Variants in HEXA observed in about 807,000 individuals in gnomAD.
The protein encoded by HEXA is beta-hexosaminidase subunit alpha.
In HEXA, 54 loss-of-function variants were observed where a neutral mutation model predicts 73.3. The observed-to-expected ratio is 0.74, with a 90% CI of 0.59 to 0.92. HEXA has a LOEUF of 0.92. Ranked by LOEUF, HEXA falls within the 40% of genes least tolerant of loss-of-function variation. The probability of loss-of-function intolerance (pLI) is 0.00; values close to 1 mark genes in which losing one functional copy is unlikely to be tolerated. For missense variants in HEXA, 649 were observed against 653.0 expected (o/e 0.99, Z 0.07); for synonymous variants, 230 against 246.9 (o/e 0.93, Z 0.64).
At chr15:72,354,691 C>T (rs1185954532) in intron 3 of HEXA, 1 of 152,374 alleles carries the variant, frequency 6.6e-6, no homozygotes, top group Admixed American at 6.5e-5. Context: ...GCTGTTGCTC[C>T]AAGCATAGAA....
chr15:72,347,584 A>G, intron 10 of HEXA, 102 bp downstream of exon 10: 1 of 962,084 alleles, frequency 1.0e-6, no homozygotes, highest in South Asian at 1.3e-5. Context: ...ATTAAAGCCC[A>G]ATCCAAACCA....
Position 72,346,540 on chromosome 15 carries a change from G to A in HEXA, c.1317C>T (p.Pro439=), listed in dbSNP as rs1003506073. The change falls in exon 11 of 14, where the codon CCC becomes CCT. Residue 439 remains proline (P), a synonymous_variant. Coordinates refer to ENST00000268097, the MANE Select transcript of HEXA (RefSeq NM_000520.6). ...CTCTGCTTTCACCTTCAAATGCCAGGGGTTCCACTATGTAGAAATCCTTCC... is the reference window on the plus strand; with the variant it reads ...CTCTGCTTTCACCTTCAAATGCCAGAGGTTCCACTATGTAGAAATCCTTCC... ...PDWKDFYIVE[P]LAFEGTPEQK... The A allele has an allele frequency of 1.8e-5, 29 of 1,613,834 alleles. No individual in the cohort carries two copies. The highest frequency in any genetic ancestry group is 2.5e-5 in the Non-Finnish European group (29 of 1,179,894).
intron 1 of HEXA, among the ~76,000 whole-genome samples, chr15:72,363,204 T>C (rs540751530): frequency 1.3e-5 from 2 of 152,368 alleles, no homozygotes; most frequent in African/African-American, 4.8e-5. Flanking sequence ...GTGCATTTAA[T>C]GTGCATCAGG....
At chr15:72,345,325 G>A in intron 13 of HEXA, 121 bp downstream of exon 13, 2 of 1,535,412 alleles carry the variant, frequency 1.3e-6, no homozygotes, top group Non-Finnish European at 1.8e-6. Context: ...CGTGGATGAG[G>A]GCTGACTATA....
At chr15:72,354,003 T>C in intron 3 of HEXA, 1 of 560,618 alleles carries the variant, frequency 1.8e-6, no homozygotes, top group East Asian at 3.1e-5. Flanking sequence ...AAAACCCACA[T>C]ACCTCTTATC....
chr15:72,347,868 A>T, intron 9 of HEXA, 110 bp from the exon 10 acceptor site: 1 of 1,113,518 alleles, frequency 9.0e-7, no homozygotes, highest in Non-Finnish European at 1.4e-6. Flanking sequence ...ATTCCTCATT[A>T]AGCAGTGTCT....
rs75605880 is a variant in HEXA, at chr15:72,342,605, C to A, written c.*1472G>T. The stretch of plus-strand genomic sequence containing the variant: ...ACCAGGAGGGGGCAGTCTGGGTCCA[C>A]GACGAGACATTTCCTTCTAGAGAAA... On this transcript the variant is annotated 3_prime_UTR_variant, in exon 14 of 14. Coordinates refer to ENST00000268097, the MANE Select transcript of HEXA (RefSeq NM_000520.6). The A allele has an allele frequency of 6.6e-6, 1 of 152,236 alleles. No homozygotes were observed. Among genetic ancestry groups the A allele is most frequent in the East Asian group, 1.9e-4 (1 of 5,194 alleles). The allele number at this position is 152,236 out of a possible 1,614,324, so 9.4% of individuals were successfully genotyped here. A position where few individuals can be genotyped will look rare whatever the true frequency, so the allele number is the denominator to read the frequency against.
intron 1 of HEXA, chr15:72,357,989 G>C (rs983016356): frequency 6.6e-6 from 1 of 152,046 alleles, no homozygotes. Flanking sequence ...CTCCATACTT[G>C]AACCCTAAAA....
intron 5 of HEXA, among the ~76,000 whole-genome samples, chr15:72,351,945 C>T (rs1432408318): frequency 6.7e-6 from 1 of 149,552 alleles, no homozygotes; most frequent in Non-Finnish European, 1.5e-5. Context: ...AGCCTCCTTC[C>T]TTCCTTCACT....
chr15:72,352,276 C>A lies in HEXA; in HGVS notation c.570+792G>T, dbSNP rs541780783. Among the ~76,000 whole-genome samples the A allele has an allele frequency of 2.0e-5, 3 of 151,648 alleles. No individual in the cohort carries two copies. In the South Asian group the frequency reaches 6.3e-4, roughly 32 times the overall value. On this transcript the variant is annotated intron_variant, in intron 5 of 13. Coordinates refer to ENST00000268097, the MANE Select transcript of HEXA (RefSeq NM_000520.6). ...CCTGGCCCCAAGTTAAGGCTTTGAA[C>A]GTCTCTCTCCTATGACCTTGTTCTA...
At chr15:72,362,265 T>C (rs1327132002) in intron 1 of HEXA, 3 of 205,262 alleles carry the variant, frequency 1.5e-5, no homozygotes, top group African/African-American at 2.4e-5. Context: ...TTTTCTGTTA[T>C]TCCCCCCCTC....
intron 1 of HEXA, among the ~76,000 whole-genome samples, chr15:72,374,024 AAG>A (rs2089025822): frequency 6.6e-6 from 1 of 151,860 alleles, no homozygotes; most frequent in African/African-American, 2.4e-5. Context: ...AAAAAAAAAA[AAG>A]GAAAGGAATT....
chr15:72,375,245 C>T (rs1339272038), intron 1 of HEXA, among the ~76,000 whole-genome samples: 7 of 152,080 alleles, frequency 4.6e-5, no homozygotes. Flanking sequence ...CGCGCCGCCA[C>T]GCCTGGCTAA....
chr15:72,374,342 A>C (rs1041998484), intron 1 of HEXA, among the ~76,000 whole-genome samples: 14 of 152,174 alleles, frequency 9.2e-5, no homozygotes, highest in African/African-American at 3.1e-4. Flanking sequence ...AATGTGATCT[A>C]CCACACTCAA....
chr15:72,350,186 T>C, intron 7 of HEXA: 1 of 388,282 alleles, frequency 2.6e-6, no homozygotes, highest in Non-Finnish European at 4.9e-6. Context: ...TGACTGACTC[T>C]GACCTCTGCA....
chr15:72,370,302 C>A, intron 1 of HEXA: 1 of 245,220 alleles, frequency 4.1e-6, no homozygotes, highest in Non-Finnish European at 7.7e-6. Flanking sequence ...AGAAATAAAA[C>A]TCAAATTTTT....
At chr15:72,363,680 C>T (rs977450960) in intron 1 of HEXA, among the ~76,000 whole-genome samples, 2 of 152,230 alleles carry the variant, frequency 1.3e-5, no homozygotes, top group Admixed American at 6.5e-5. Flanking sequence ...AAGTATCACT[C>T]TCTCCAGCCC....
chr15:72,375,737 G>A lies in HEXA; in HGVS notation c.236C>T (p.Pro79Leu). The A allele has an allele frequency of 6.2e-7, 1 of 1,614,178 alleles. No individual in the cohort carries two copies. The highest frequency in any genetic ancestry group is 8.5e-7 in the Non-Finnish European group (1 of 1,180,044). ...CGACTCACCTGTGAGGTAAGGACGGGGCCAAGACCCGGAACCGAAAAGCAG... is the reference window on the plus strand; with the variant it reads ...CGACTCACCTGTGAGGTAAGGACGGAGCCAAGACCCGGAACCGAAAAGCAG... ...RDLLFGSGSW[P>L]RPYLTGKRHT... Residue 79 changes from proline (P) to leucine (L), a missense_variant, in exon 1 of 14, where the codon CCC becomes CTC. Pro to Leu is a moderately conservative substitution (Grantham distance 98, BLOSUM62 -3). Transcript: ENST00000268097.
chr15:72,348,051 T>C lies in HEXA; in HGVS notation c.1070A>G (p.Gln357Arg). Reference protein sequence around the residue: ...DFKQLESFYIQTLLDIVSSYG... With the variant: ...DFKQLESFYIRTLLDIVSSYG... The stretch of plus-strand genomic sequence containing the variant: ...CCCACCCTCCTTCCTTCCTCACGTC[T>C]GGATGTAGAAGGACTCCAGCTGCTT... The change falls in exon 9 of 14, where the codon CAG (glutamine) becomes CGG (arginine). Residue 357 changes from glutamine (Q) to arginine (R), a missense_variant. By Grantham distance (43) the Gln-to-Arg change is conservative. Coordinates refer to ENST00000268097, the MANE Select transcript of HEXA (RefSeq NM_000520.6). 1 of 1,605,696 alleles carries C rather than the reference T, an allele frequency of 6.2e-7. No homozygotes were observed. The highest frequency in any genetic ancestry group is 1.3e-5 in the African/African-American group (1 of 74,874).
Sources: allele counts gnomAD v4.1 joint callset (sites outside exome capture counted in the v4.1 genomes callset), GRCh38; gene constraint gnomAD v4.1.1; transcripts MANE v1.5; gene names NCBI Gene and HGNC (gene_info 2026-07-23, HGNC 2026-07-21).